TMEM130: variants seen among roughly 807,000 people sequenced by gnomAD.
The protein encoded by TMEM130 is transmembrane protein 130.
Under a neutral mutation model 42.9 loss-of-function variants are expected in TMEM130, and 37 were observed. That is an observed-to-expected ratio of 0.86 (90% CI 0.66 to 1.13). TMEM130 has a LOEUF of 1.13. Ranked by LOEUF, TMEM130 falls within the 50% of genes most tolerant of loss-of-function variation. The pLI is 0.00. For missense variants in TMEM130, 545 were observed against 562.6 expected, an observed-to-expected ratio of 0.97 and a Z score of 0.32; for synonymous variants, 259 against 237.7, an observed-to-expected ratio of 1.09 and a Z score of -0.82.
chr7:98,859,522 C>T (rs1370635559), intron 3 of TMEM130, among the ~76,000 whole-genome samples: 1 of 151,994 alleles, frequency 6.6e-6, no homozygotes, highest in Non-Finnish European at 1.5e-5. Flanking sequence ...GACCCCCAGT[C>T]GTGGCAGAGA....
chr7:98,860,114 C>A, intron 3 of TMEM130, 65 bp downstream of exon 3: 1 of 1,503,296 alleles, frequency 6.7e-7, no homozygotes, highest in Non-Finnish European at 9.0e-7. Context: ...GAGTACCCTG[C>A]ACAGTGCGCG....
intron 4 of TMEM130, among the ~76,000 whole-genome samples, chr7:98,855,783 C>A (rs1794616701): frequency 1.3e-5 from 2 of 152,198 alleles, no homozygotes. Flanking sequence ...CCGGCTCAGG[C>A]TCTGGGAGCA....
At chr7:98,850,273 A>ATATTTTTTTTTTTTTTTTT in intron 6 of TMEM130, among the ~76,000 whole-genome samples, 2 of 35,472 alleles carry the variant, frequency 5.6e-5, no homozygotes, top group African/African-American at 7.6e-5. Flanking sequence ...ATATATATAT[A>ATATTTTTTTTTTTTTTTTT]TTTTTTTTTT....
At chr7:98,856,271 C>T in intron 3 of TMEM130, 88 bp from the exon 4 acceptor site, 1 of 1,361,358 alleles carries the variant, frequency 7.3e-7, no homozygotes, top group Non-Finnish European at 1.0e-6. Context: ...TGGGACTTGC[C>T]AGAGTCAGGG....
At chr7:98,855,037 A>G (rs1794595085) in intron 5 of TMEM130, among the ~76,000 whole-genome samples, 1 of 152,228 alleles carries the variant, frequency 6.6e-6, no homozygotes, top group Non-Finnish European at 1.5e-5. Flanking sequence ...CTCCGTCTCA[A>G]ATAAATAAAT....
intron 3 of TMEM130, 147 bp downstream of exon 3, chr7:98,860,032 G>T: frequency 1.7e-6 from 1 of 604,104 alleles, no homozygotes; most frequent in Non-Finnish European, 2.5e-6. Context: ...TGGTACTACT[G>T]CACTCCAGCC....
chr7:98,856,137 T>C lies in TMEM130; in HGVS notation c.598A>G (p.Ile200Val). The C allele has an allele frequency of 6.2e-7, 1 of 1,613,982 alleles. No homozygotes were observed. Among genetic ancestry groups the C allele is most frequent in the Non-Finnish European group, 8.5e-7 (1 of 1,180,018 alleles). ...AGCTTCACGGTGAAGGTCCCGATGA[T>C]GGAATAGTTATAATAGACCACGGAG... ...EDSVVYYNYSIIGTFTVKLKV... is the reference protein window; with the variant it reads ...EDSVVYYNYSVIGTFTVKLKV... The change falls in exon 4 of 8, where the codon ATC becomes GTC. Residue 200 changes from isoleucine to valine, a missense_variant. Physicochemically the swap from Ile to Val is conservative, Grantham distance 29 (BLOSUM62 3). Transcript: ENST00000339375.
At chr7:98,857,068 C>T (rs922466905) in intron 3 of TMEM130, among the ~76,000 whole-genome samples, 2 of 152,020 alleles carry the variant, frequency 1.3e-5, no homozygotes, top group Admixed American at 6.6e-5. Flanking sequence ...ACTACAGGCA[C>T]GTGCCACCAT....
Position 98,856,150 on chromosome 7 carries a change from A to G in TMEM130, c.585T>C (p.Tyr195=). The G allele has an allele frequency of 6.2e-7, 1 of 1,614,008 alleles. No individual in the cohort carries two copies. The highest frequency in any genetic ancestry group is 8.5e-7 in the Non-Finnish European group (1 of 1,180,020). The change falls in exon 4 of 8, where the codon TAT becomes TAC. Residue 195 remains tyrosine, a synonymous_variant. Coordinates refer to ENST00000339375, the MANE Select transcript of TMEM130 (RefSeq NM_152913.3). ...TQMVTEDSVV[Y]YNYSIIGTFT... Reference sequence around the variant, plus strand: ...AGGTCCCGATGATGGAATAGTTATAATAGACCACGGAGTCTTCAGTCACCA... The same window carrying G: ...AGGTCCCGATGATGGAATAGTTATAGTAGACCACGGAGTCTTCAGTCACCA...
At chr7:98,849,584 C>A (rs1794440125) in intron 6 of TMEM130, among the ~76,000 whole-genome samples, 1 of 152,016 alleles carries the variant, frequency 6.6e-6, no homozygotes. Flanking sequence ...GTGTAGCATC[C>A]TCTCAGGGGC....
rs529987225 is a variant in TMEM130, at chr7:98,869,475, G to A, written c.85+302C>T. On this transcript the variant is annotated intron_variant, in intron 1 of 7. Transcript: ENST00000339375. This position sits in a 1 kb window ranked among gnomAD's most constrained non-coding sequence, Gnocchi z 4.7. ...TCCCTTAGCGGGTGCATGGTCCCCA[G>A]GCATCGACGGATGCGCCGGCCACCC... 1.2e-5 allele frequency: 10 copies of A among 843,884 alleles called. No homozygotes were observed. Among genetic ancestry groups the A allele is most frequent in the African/African-American group, 1.8e-5 (1 of 54,804 alleles). 52.3% of individuals were successfully genotyped at this position (843,884 alleles called of 1,614,324 possible).
intron 6 of TMEM130, 56 bp from the exon 7 acceptor site, chr7:98,848,751 TTC>T: frequency 8.2e-7 from 1 of 1,216,510 alleles, no homozygotes; most frequent in Non-Finnish European, 1.2e-6. Context: ...ACAGTGCTGG[TTC>T]TCAGGAAGCA....
In TMEM130 at chr7:98,860,167, G is replaced by A. The variant is rs782608748; in HGVS notation, c.551+12C>T. 6.2e-6 allele frequency: 10 copies of A among 1,609,374 alleles called. No homozygotes were observed. The highest frequency in any genetic ancestry group is 1.7e-5 in the Admixed American group (1 of 59,780). On this transcript the variant is annotated intron_variant, in intron 3 of 7. Coordinates refer to ENST00000339375, the MANE Select transcript of TMEM130 (RefSeq NM_152913.3). ...TGACAGCTGTAGGGCCTGCAGAGGG[G>A]TAAGGACCTACCCGTCCCCGAAGTC... is the stretch of plus-strand genomic sequence containing the variant.
chr7:98,850,065 C>G (rs1794450931), intron 6 of TMEM130, among the ~76,000 whole-genome samples: 1 of 150,850 alleles, frequency 6.6e-6, no homozygotes, highest in African/African-American at 2.4e-5. Context: ...ATTTATTTTT[C>G]TGGAGACAGG....
intron 1 of TMEM130, among the ~76,000 whole-genome samples, chr7:98,868,906 A>G (rs1794966866): frequency 1.3e-5 from 2 of 152,180 alleles, no homozygotes; most frequent in Non-Finnish European, 2.9e-5. Context: ...CGTCTAATTC[A>G]TCCCTGAGTT....
At chr7:98,850,042 T>C (rs549438631) in intron 6 of TMEM130, among the ~76,000 whole-genome samples, 104 of 151,772 alleles carry the variant, frequency 6.9e-4, no homozygotes, top group African/African-American at 2.5e-3. Flanking sequence ...TCCTTTTCTC[T>C]TTTTTATTTT....
intron 1 of TMEM130, chr7:98,866,200 A>T (rs1303328634): frequency 6.6e-6 from 1 of 152,098 alleles, no homozygotes; most frequent in African/African-American, 2.4e-5. Context: ...AATCTCAGCT[A>T]CTCGGGAGGC....
rs1216841018 is a variant in TMEM130 at position 98,847,943 on chromosome 7, G to A, written c.*113C>T. ...ACTGTACAGATGGATGGATGATCCA[G>A]GCCAACAGCCCCACGCAAATGAACC... On this transcript the variant is annotated 3_prime_UTR_variant, in exon 8 of 8. Transcript: ENST00000339375. The A allele has an allele frequency of 9.6e-7, 1 of 1,044,518 alleles. No individual in the cohort carries two copies. Among genetic ancestry groups the A allele is most frequent in the Non-Finnish European group, 1.4e-6 (1 of 702,510 alleles). 64.7% of individuals were successfully genotyped at this position (1,044,518 alleles called of 1,614,324 possible).
chr7:98,869,277 G>A lies in TMEM130; in HGVS notation c.85+500C>T, dbSNP rs553651588. 1 of 1,288,070 alleles carries A rather than the reference G, an allele frequency of 7.8e-7. No individual in the cohort carries two copies. 79.8% of individuals were successfully genotyped at this position (1,288,070 alleles called of 1,614,324 possible). A position where few individuals can be genotyped will look rare whatever the true frequency, so the allele number is the denominator to read the frequency against. On this transcript the variant is annotated intron_variant, in intron 1 of 7. Coordinates refer to ENST00000339375, the MANE Select transcript of TMEM130 (RefSeq NM_152913.3). This position sits in a 1 kb window ranked among gnomAD's most constrained non-coding sequence, Gnocchi z 4.7. ...GAGGAAATGGCAGCCTGGCCTCCTG[G>A]GCTCTAAATTCGCATCTCCCCAAAG...
Sources: allele counts gnomAD v4.1 joint callset (sites outside exome capture counted in the v4.1 genomes callset), GRCh38; gene constraint gnomAD v4.1.1; non-coding constraint Gnocchi (gnomAD v3.1); transcripts MANE v1.5; gene names NCBI Gene and HGNC (gene_info 2026-07-23, HGNC 2026-07-21).